SLC27A1: variants seen among roughly 807,000 people sequenced by gnomAD.
SLC27A1 encodes solute carrier family 27 member 1.
Under a neutral mutation model 62.2 loss-of-function variants are expected in SLC27A1, and 61 were observed. The ratio of observed to expected loss-of-function variants is 0.98; its 90% confidence interval spans 0.80 to 1.21. The LOEUF is 1.21. Among genes scored for constraint, SLC27A1 ranks in the 50% most tolerant of loss-of-function variants. The pLI is 0.00. For missense variants in SLC27A1, 903 were observed against 932.1 expected (o/e 0.97, Z 0.41); for synonymous variants, 435 against 408.6 (o/e 1.06, Z -0.78).
rs1454546713 is a variant in SLC27A1 at position 17,500,561 on chromosome 19, T to C, written c.1400T>C (p.Val467Ala). 1 of 1,613,776 alleles carries C rather than the reference T, an allele frequency of 6.2e-7. No individual in the cohort carries two copies. The change falls in exon 9 of 12, where the codon GTC becomes GCC. Residue 467 changes from valine (V) to alanine (A), a missense_variant. Coordinates refer to ENST00000252595, the MANE Select transcript of SLC27A1 (RefSeq NM_198580.3). ...CCGCTGCGCCGCTTCGATGGCTATG[T>C]CAGCGAGAGCGCCACCAGCAAGAAG... ...QDPLRRFDGY[V>A]SESATSKKIA...
intron 1 of SLC27A1, among the ~76,000 whole-genome samples, chr19:17,474,160 T>C (rs1386429697): frequency 1.3e-5 from 2 of 152,136 alleles, no homozygotes; most frequent in Non-Finnish European, 2.9e-5. Flanking sequence ...TCCAGGCTGG[T>C]CTTGAACTCC....
intron 7 of SLC27A1, chr19:17,500,027 T>C: frequency 1.9e-6 from 1 of 534,540 alleles, no homozygotes; most frequent in East Asian, 3.2e-5. Flanking sequence ...GCATGGAGGG[T>C]TTTGTGGATC....
chr19:17,500,477 A>T lies in SLC27A1; in HGVS notation c.1334-18A>T. On this transcript the variant is annotated intron_variant, in intron 8 of 11. Coordinates refer to ENST00000252595, the MANE Select transcript of SLC27A1 (RefSeq NM_198580.3). ...GCCCTGCCTGCCTAGCGCAGCCTGA[A>T]CATGGCCTTCTCCCTAGGGGAGCCT... 1.2e-6 allele frequency: 2 copies of T among 1,613,368 alleles called. No individual in the cohort carries two copies. The highest frequency in any genetic ancestry group is 1.7e-6 in the Non-Finnish European group (2 of 1,179,606).
chr19:17,501,353 C>T lies in SLC27A1; in HGVS notation c.1717C>T (p.Gln573Ter). ...CCCCAACGCGATATACCAGGAGCTG[C>T]AGAAGGTGCTGGCACCCTATGCCCG... ...LDPNAIYQEL[Q>*]KVLAPYARPI... The change falls in exon 11 of 12, where the codon CAG (glutamine) becomes TAG (stop). Residue 573 changes from glutamine to a stop codon, truncating the protein, a stop_gained. Transcript: ENST00000252595. LOFTEE classifies it high-confidence loss of function. 1 of 1,614,044 alleles carries T rather than the reference C, an allele frequency of 6.2e-7. No homozygotes were observed. Among genetic ancestry groups the T allele is most frequent in the Non-Finnish European group, 8.5e-7 (1 of 1,179,992 alleles).
chr19:17,497,308 C>T lies in SLC27A1; in HGVS notation c.1050C>T (p.Arg350=). The T allele has an allele frequency of 6.2e-7, 1 of 1,605,866 alleles. No individual in the cohort carries two copies. Residue 350 remains arginine, a synonymous_variant, in exon 7 of 12, where the codon CGC becomes CGT. Coordinates refer to ENST00000252595, the MANE Select transcript of SLC27A1 (RefSeq NM_198580.3). ...GCTACCTGCTGAAGCAGCCGGTGCG[C>T]GAGGCGGAGAGGCGACACCGCGTGC... ...ICRYLLKQPV[R]EAERRHRVRL...
chr19:17,487,644 G>T (rs553147284), intron 4 of SLC27A1, 115 bp downstream of exon 4: 110 of 1,064,830 alleles, frequency 1.0e-4, no homozygotes, highest in South Asian at 6.2e-4. Context: ...TGGGGACAGA[G>T]AGGGCAGCTG....
At position 17,486,831 on chromosome 19, in the gene SLC27A1, C is replaced by G. The variant is rs1475924156; in HGVS notation, c.436C>G (p.Leu146Val). Residue 146 changes from leucine (L) to valine (V), a missense_variant, in exon 2 of 12, where the codon CTG becomes GTG. Physicochemically the swap from Leu to Val is conservative, Grantham distance 32 (BLOSUM62 1). Transcript: ENST00000252595. The surrounding 1 kb of genome is among the most constrained non-coding windows in gnomAD (Gnocchi z 6.6). Reference sequence around the variant, plus strand: ...CCGGCCGGAGTTCGTGGGGCTGTGGCTGGGCCTGGCCAAGGCGGGCATGGA... The same window carrying G: ...CCGGCCGGAGTTCGTGGGGCTGTGGGTGGGCCTGGCCAAGGCGGGCATGGA... ...EGRPEFVGLW[L>V]GLAKAGMEAA... The G allele has an allele frequency of 1.3e-6, 2 of 1,591,980 alleles. No individual in the cohort carries two copies. Among genetic ancestry groups the G allele is most frequent in the Non-Finnish European group, 8.5e-7 (1 of 1,173,364 alleles).
chr19:17,497,146 C>G, intron 6 of SLC27A1, 109 bp from the exon 7 acceptor site: 1 of 787,014 alleles, frequency 1.3e-6, no homozygotes, highest in Non-Finnish European at 2.0e-6. Flanking sequence ...TAGGCTGTTC[C>G]GCTCATAGGA....
chr19:17,480,733 A>G (rs1356613483), intron 1 of SLC27A1, among the ~76,000 whole-genome samples: 1 of 151,804 alleles, frequency 6.6e-6, no homozygotes, highest in Non-Finnish European at 1.5e-5. Flanking sequence ...GGTTTGTTGC[A>G]TTGGTATATT....
chr19:17,484,270 G>A (rs1174534020), intron 1 of SLC27A1: 4 of 152,092 alleles, frequency 2.6e-5, no homozygotes, highest in Non-Finnish European at 5.9e-5. Context: ...AACAAAGGAG[G>A]GAATGAAAGA....
chr19:17,487,635 G>C (rs1467418420), intron 4 of SLC27A1, 106 bp downstream of exon 4: 3 of 1,160,294 alleles, frequency 2.6e-6, no homozygotes, highest in Non-Finnish European at 3.7e-6. Flanking sequence ...ATGTTACCCT[G>C]GGGACAGAGA....
chr19:17,488,435 TC>T (rs199974343), intron 4 of SLC27A1, among the ~76,000 whole-genome samples: 2,717 of 152,216 alleles, frequency 0.018, 37 homozygotes, highest in Non-Finnish European at 0.026. Flanking sequence ...GTCATTTTCC[TC>T]CCCTTCACCC....
chr19:17,490,998 C>A (rs1276691993), intron 6 of SLC27A1: 2 of 144,622 alleles, frequency 1.4e-5, no homozygotes, highest in African/African-American at 2.6e-5. Flanking sequence ...CACTGCACTC[C>A]AGCCTGGGCG....
chr19:17,497,569 GAAGGCTCCGCC>G (rs2075364302), intron 7 of SLC27A1, 105 bp downstream of exon 7: 1 of 1,090,196 alleles, frequency 9.2e-7, no homozygotes. Flanking sequence ...GACTGGCGCG[GAAGGCTCCGCC>G]AAGGCGCACG....
At chr19:17,491,549 A>G (rs934199763) in intron 6 of SLC27A1, among the ~76,000 whole-genome samples, 1 of 152,210 alleles carries the variant, frequency 6.6e-6, no homozygotes, top group Non-Finnish European at 1.5e-5. Flanking sequence ...TAAATACACA[A>G]CCAGCATTAT....
chr19:17,497,554 G>A (rs751313332), intron 7 of SLC27A1, 90 bp downstream of exon 7: 20 of 1,210,024 alleles, frequency 1.7e-5, no homozygotes, highest in Non-Finnish European at 2.4e-6. Flanking sequence ...ACATAAAACA[G>A]CCTGGACTGG....
rs780798659 is a variant in SLC27A1, at chr19:17,470,655, G to T, written c.115G>T (p.Gly39Cys). The T allele has an allele frequency of 6.3e-7, 1 of 1,577,956 alleles. No individual in the cohort carries two copies. The highest frequency in any genetic ancestry group is 8.6e-7 in the Non-Finnish European group (1 of 1,168,906). ...GGCGCTCGGCGTGTACGTGGGCAGC[G>T]GCGGCTGGCGCTTCCTGCGCATCGT... ...AAALGVYVGS[G>C]GWRFLRIVCK... Residue 39 changes from glycine (G) to cysteine (C), a missense_variant, in exon 1 of 12, where the codon GGC becomes TGC. Gly to Cys is a radical substitution (Grantham distance 159, BLOSUM62 -3). Coordinates refer to ENST00000252595, the MANE Select transcript of SLC27A1 (RefSeq NM_198580.3).
chr19:17,502,218 C>A (rs1458860671), intron 11 of SLC27A1, among the ~76,000 whole-genome samples: 1 of 152,038 alleles, frequency 6.6e-6, no homozygotes, highest in African/African-American at 2.4e-5. Flanking sequence ...GGGACTGACA[C>A]AAGGGCTCAC....
intron 1 of SLC27A1, among the ~76,000 whole-genome samples, chr19:17,473,134 C>T (rs2075092497): frequency 6.6e-6 from 1 of 152,006 alleles, no homozygotes; most frequent in African/African-American, 2.4e-5. Flanking sequence ...GGTTCTGCCA[C>T]GTTGCCCAGG....
Sources: allele counts gnomAD v4.1 joint callset (sites outside exome capture counted in the v4.1 genomes callset), GRCh38; gene constraint gnomAD v4.1.1; non-coding constraint Gnocchi (gnomAD v3.1); transcripts MANE v1.5; gene names NCBI Gene and HGNC (gene_info 2026-07-23, HGNC 2026-07-21).